Variants in USP32 observed in about 807,000 individuals in gnomAD.
The protein encoded by USP32 is ubiquitin carboxyl-terminal hydrolase 32.
Under a neutral mutation model 204.8 loss-of-function variants are expected in USP32, and 59 were observed. The ratio of observed to expected loss-of-function variants is 0.29; its 90% CI spans 0.23 to 0.36. The LOEUF is 0.36. USP32 is among the 10% of genes least tolerant of loss of function. The probability of loss-of-function intolerance (pLI) is 1.00; values close to 1 mark genes in which losing one functional copy is unlikely to be tolerated. For synonymous variants in USP32, 517 were observed against 678.4 expected, an observed-to-expected ratio of 0.76 and a Z score of 3.70; for missense variants, 1,160 against 1,946.4, an observed-to-expected ratio of 0.60 and a Z score of 7.60.
At position 60,180,532 on chromosome 17, in the gene USP32, T is replaced by C; in HGVS notation, c.4641+13A>G. On this transcript the variant is annotated intron_variant, in intron 33 of 33. Coordinates refer to ENST00000300896, the MANE Select transcript of USP32 (RefSeq NM_032582.4). ...CTGTTTCTAACTTTCATTCAAAGAC[T>C]GAGAATGTTTACCTTACAGCTGCTG... 1 of 1,612,648 alleles carries C rather than the reference T, an allele frequency of 6.2e-7. No individual in the cohort carries two copies. The highest frequency in any genetic ancestry group is 1.1e-5 in the South Asian group (1 of 91,046).
intron 30 of USP32, among the ~76,000 whole-genome samples, chr17:60,184,809 C>CAAA (rs35566339): frequency 3.8e-5 from 3 of 78,476 alleles, no homozygotes; most frequent in South Asian, 4.8e-4. Context: ...GACCCTGTCT[C>CAAA]AAAAAAAAAA....
chr17:60,366,967 G>A (rs920850130), intron 1 of USP32, among the ~76,000 whole-genome samples: 4 of 151,968 alleles, frequency 2.6e-5, no homozygotes, highest in Non-Finnish European at 4.4e-5. Context: ...GGGACTACAG[G>A]AGCCCGCCAC....
chr17:60,263,449 T>C (rs1480734642), intron 9 of USP32, among the ~76,000 whole-genome samples: 1 of 152,230 alleles, frequency 6.6e-6, no homozygotes, highest in Admixed American at 6.5e-5. Context: ...GCGAATATGG[T>C]TAATAGGCTT....
intron 2 of USP32, 124 bp from the exon 3 acceptor site, chr17:60,301,828 A>G: frequency 1.5e-6 from 1 of 668,782 alleles, no homozygotes; most frequent in Non-Finnish European, 2.6e-6. Flanking sequence ...TTTTAGTGAA[A>G]TCATGTTAAG....
At chr17:60,349,596 A>AATATATATATATATAT (rs1187939098) in intron 1 of USP32, among the ~76,000 whole-genome samples, 3 of 65,178 alleles carry the variant, frequency 4.6e-5, no homozygotes, top group Non-Finnish European at 7.6e-5. Flanking sequence ...AAAAAAAAAA[A>AATATATATATATATAT]ATATATATAT....
chr17:60,231,186 G>A (rs2085538727), intron 12 of USP32, among the ~76,000 whole-genome samples: 1 of 152,134 alleles, frequency 6.6e-6, no homozygotes, highest in South Asian at 2.1e-4. Context: ...TAAAATATGG[G>A]TCAAGATTCA....
At chr17:60,400,837 A>G (rs2089929535) in intron 1 of USP32, among the ~76,000 whole-genome samples, 1 of 152,158 alleles carries the variant, frequency 6.6e-6, no homozygotes, top group African/African-American at 2.4e-5. Context: ...CCTAGGCAAC[A>G]TTGGTAGACC....
chr17:60,388,743 T>G (rs1389294575), intron 1 of USP32, among the ~76,000 whole-genome samples: 1 of 152,228 alleles, frequency 6.6e-6, no homozygotes, highest in African/African-American at 2.4e-5. Context: ...AGTGTTTAAA[T>G]GTACACTTTT....
Position 60,205,612 on chromosome 17 carries a change from G to A in USP32, c.3084C>T (p.Thr1028=), listed in dbSNP as rs773567488. Residue 1028 remains threonine, a synonymous_variant, in exon 26 of 34, where the codon ACC becomes ACT. Coordinates refer to ENST00000300896, the MANE Select transcript of USP32 (RefSeq NM_032582.4). ...PSTNEMFTLT[T]NGDLPRPIFI... The stretch of plus-strand genomic sequence containing the variant: ...ATATTGGTCGGGGTAGGTCCCCATT[G>A]GTAGTTAGGGTGAACATTTCATTTG... The A allele has an allele frequency of 6.2e-7, 1 of 1,613,922 alleles. No individual in the cohort carries two copies. Among genetic ancestry groups the A allele is most frequent in the Non-Finnish European group, 8.5e-7 (1 of 1,179,856 alleles).
chr17:60,213,290 T>A (rs1309720448), intron 18 of USP32, among the ~76,000 whole-genome samples: 1 of 152,230 alleles, frequency 6.6e-6, no homozygotes, highest in Non-Finnish European at 1.5e-5. Flanking sequence ...TTTAAGGAAC[T>A]ATAAATGTGT....
intron 17 of USP32, 94 bp from the exon 18 acceptor site, chr17:60,213,756 C>A (rs1396416256): frequency 9.6e-6 from 14 of 1,465,186 alleles, no homozygotes; most frequent in African/African-American, 3.0e-5. Flanking sequence ...AAAACAACTT[C>A]TTTGTAGTTA....
intron 1 of USP32, among the ~76,000 whole-genome samples, chr17:60,381,440 CAAAA>C (rs397784557): frequency 1.0e-5 from 1 of 99,266 alleles, no homozygotes. Context: ...GACCCTGTCT[CAAAA>C]AAAAAAAAAA....
chr17:60,314,005 T>C (rs1296189990), intron 2 of USP32, among the ~76,000 whole-genome samples: 1 of 151,824 alleles, frequency 6.6e-6, no homozygotes, highest in Non-Finnish European at 1.5e-5. Context: ...AAAACAGCTA[T>C]TATAAATATG....
intron 1 of USP32, among the ~76,000 whole-genome samples, chr17:60,368,583 G>C (rs574033115): frequency 6.6e-6 from 1 of 151,568 alleles, no homozygotes; most frequent in East Asian, 1.9e-4. Context: ...GAAAAACCAA[G>C]AATATTACCA....
chr17:60,401,242 C>T (rs1240867159), intron 1 of USP32, among the ~76,000 whole-genome samples: 6 of 149,858 alleles, frequency 4.0e-5, no homozygotes, highest in African/African-American at 7.4e-5. Context: ...TGGTGGTGGG[C>T]GCCTGTAGTC....
At position 60,179,440 on chromosome 17, in the gene USP32, A is replaced by C; in HGVS notation, c.4642-12T>G. ...TCCGGGTGAAGTTCCTGAAAGGGCA[A>C]GAAAAACCTTTAACAAAAAGCCATC... On this transcript the variant is annotated splice_polypyrimidine_tract_variant and intron_variant, in intron 33 of 33. Transcript: ENST00000300896. 1 of 1,611,722 alleles carries C rather than the reference A, an allele frequency of 6.2e-7. No homozygotes were observed. Among genetic ancestry groups the C allele is most frequent in the South Asian group, 1.1e-5 (1 of 90,984 alleles).
chr17:60,285,911 T>A (rs1598195711), intron 5 of USP32, among the ~76,000 whole-genome samples: 1 of 151,840 alleles, frequency 6.6e-6, no homozygotes, highest in Non-Finnish European at 1.5e-5. Context: ...CCAAGGCAGG[T>A]GGATCACCTG....
At chr17:60,271,971 C>G (rs1042541624) in intron 5 of USP32, among the ~76,000 whole-genome samples, 3 of 152,086 alleles carry the variant, frequency 2.0e-5, no homozygotes, top group Admixed American at 6.6e-5. Context: ...GCCACCACAT[C>G]CAGCTAATTT....
At chr17:60,328,859 T>C (rs1196618378) in intron 2 of USP32, among the ~76,000 whole-genome samples, 1 of 152,076 alleles carries the variant, frequency 6.6e-6, no homozygotes, top group East Asian at 1.9e-4. Flanking sequence ...TGGAGCTACC[T>C]GCTCTGTGGC....
Sources: allele counts gnomAD v4.1 joint callset (sites outside exome capture counted in the v4.1 genomes callset), GRCh38; gene constraint gnomAD v4.1.1; transcripts MANE v1.5; gene names NCBI Gene and HGNC (gene_info 2026-07-23, HGNC 2026-07-21).